ABCA7: variants seen among roughly 807,000 people sequenced by gnomAD.
ABCA7 encodes phospholipid-transporting ATPase ABCA7.
Under a neutral mutation model 227.6 loss-of-function variants are expected in ABCA7, and 261 were observed. The ratio of observed to expected loss-of-function variants is 1.15; its 90% confidence interval spans 1.04 to 1.27. The LOEUF (loss-of-function observed/expected upper bound fraction) is 1.27. ABCA7 is among the 50% of genes most tolerant of loss of function. ABCA7 has a pLI of 0.00. For missense variants in ABCA7, 3,331 were observed against 2,924.5 expected (o/e 1.14, Z -3.21); for synonymous variants, 1,488 against 1,279.7 (o/e 1.16, Z -3.47).
Position 1,054,337 on chromosome 19 carries a change from C to T in ABCA7, c.3722C>T (p.Ala1241Val). ...CGCCGCAGCCGCCGCGGCCTGTTCG[C>T]CCAGGTGAGGAGGGCTAGCACCAGG... ...LARRSRRGLF[A>V]QIVLPALFVG... The change falls in exon 27 of 47, where the codon GCC (alanine) becomes GTC (valine). Residue 1241 changes from alanine (A) to valine (V), a missense_variant. By Grantham distance (64) the Ala-to-Val change is moderately conservative. Transcript: ENST00000263094. The surrounding 1 kb of genome is among the most constrained non-coding windows in gnomAD (Gnocchi z 4.8). 1 of 1,596,350 alleles carries T rather than the reference C, an allele frequency of 6.3e-7. No individual in the cohort carries two copies.
chr19:1,047,635 C>G lies in ABCA7; in HGVS notation c.2250C>G (p.Tyr750Ter). 1.3e-6 allele frequency: 2 copies of G among 1,598,018 alleles called. No individual in the cohort carries two copies. The highest frequency in any genetic ancestry group is 1.7e-6 in the Non-Finnish European group (2 of 1,177,038). ...CGCTCTACGGCCTCGCCACCTGGTA[C>G]CTGGAAGCTGTGTGCCCAGGTGGGC... ...DAALYGLATW[Y>*]LEAVCPGQYG... Residue 750 changes from tyrosine to a stop codon, truncating the protein, a stop_gained, in exon 16 of 47, where the codon TAC (tyrosine) becomes TAG (stop). Transcript: ENST00000263094. LOFTEE classifies it high-confidence loss of function.
At position 1,051,611 on chromosome 19, in the gene ABCA7, G is replaced by A. The variant is rs759418777; in HGVS notation, c.2962+25G>A. On this transcript the variant is annotated intron_variant, in intron 21 of 46. Coordinates refer to ENST00000263094, the MANE Select transcript of ABCA7 (RefSeq NM_019112.4). ...GGTAAGAGCTGGGGATTCTGCTCGA[G>A]GGGCCAGAAAAGGCTTCTGACAAGG... The A allele has an allele frequency of 1.1e-5, 18 of 1,597,176 alleles. 1 individual carries two copies. The South Asian group carries it at 2.0e-4, about 18-fold the overall frequency.
At chr19:1,053,610 C>A in intron 24 of ABCA7, 79 bp downstream of exon 24, 1 of 1,522,006 alleles carries the variant, frequency 6.6e-7, no homozygotes, top group Non-Finnish European at 8.9e-7. Context: ...GGATGAATAG[C>A]GTGTTTATGA....
intron 10 of ABCA7, 33 bp downstream of exon 10, chr19:1,043,874 C>T (rs758258750): frequency 1.9e-6 from 3 of 1,597,206 alleles, no homozygotes; most frequent in Non-Finnish European, 1.7e-6. Flanking sequence ...TGGGATGTGG[C>T]TCCCCGGTGA....
chr19:1,060,393 T>C (rs1050562369), intron 40 of ABCA7, among the ~76,000 whole-genome samples: 3 of 151,312 alleles, frequency 2.0e-5, no homozygotes, highest in Non-Finnish European at 4.4e-5. Context: ...GTATTTTTAG[T>C]AGAGACGGGG....
Position 1,063,591 on chromosome 19 carries a change from C to T in ABCA7, c.5760C>T (p.Asp1920=), listed in dbSNP as rs753809025. ...GTCTGGGACTCTCATGGTACGCAGA[C>T]CGGCCTGCAGGCACCTACAGCGGAG... ...LARLGLSWYA[D]RPAGTYSGGN... The change falls in exon 43 of 47, where the codon GAC becomes GAT. Residue 1920 remains aspartate (D), a synonymous_variant. Coordinates refer to ENST00000263094, the MANE Select transcript of ABCA7 (RefSeq NM_019112.4). 1 of 1,611,198 alleles carries T rather than the reference C, an allele frequency of 6.2e-7. No individual in the cohort carries two copies. The highest frequency in any genetic ancestry group is 1.7e-5 in the Admixed American group (1 of 60,016).
chr19:1,048,458 T>C (rs2040947961), intron 16 of ABCA7, among the ~76,000 whole-genome samples: 1 of 120,366 alleles, frequency 8.3e-6, no homozygotes, highest in African/African-American at 3.3e-5. Flanking sequence ...ATCGCGCCAC[T>C]GCACTCCAGC....
intron 42 of ABCA7, among the ~76,000 whole-genome samples, chr19:1,062,776 C>T (rs114900104): frequency 0.022 from 3,274 of 150,212 alleles, 118 homozygotes; most frequent in African/African-American, 0.077. Context: ...CACTGTCCCA[C>T]CCCATGCCCT....
At chr19:1,060,818 C>T (rs2042606644) in intron 40 of ABCA7, among the ~76,000 whole-genome samples, 1 of 152,094 alleles carries the variant, frequency 6.6e-6, no homozygotes, top group African/African-American at 2.4e-5. Context: ...CTGGGCCTGG[C>T]CCACAGTATA....
chr19:1,046,512 C>A, intron 13 of ABCA7, 106 bp downstream of exon 13: 1 of 1,445,684 alleles, frequency 6.9e-7, no homozygotes, highest in Non-Finnish European at 9.2e-7. Flanking sequence ...AGGCTGCGAA[C>A]TTTGCACCTT....
rs922973311 is a variant in ABCA7 at position 1,049,368 on chromosome 19, G to A, written c.2483G>A (p.Ser828Asn). The change falls in exon 18 of 47, where the codon AGC (serine) becomes AAC (asparagine). Residue 828 changes from serine to asparagine, a missense_variant. Transcript: ENST00000263094. ...CCGCAGCCAGCCCTGCGGGGGCTCA[G>A]CCTGGACTTCTACCAGGGCCACATC... ...GSPQPALRGLSLDFYQGHITA... is the reference protein window; with the variant it reads ...GSPQPALRGLNLDFYQGHITA... The A allele has an allele frequency of 6.8e-6, 11 of 1,611,298 alleles. No individual in the cohort carries two copies. The highest frequency in any genetic ancestry group is 8.5e-6 in the Non-Finnish European group (10 of 1,179,152).
intron 6 of ABCA7, 63 bp from the exon 7 acceptor site, chr19:1,042,683 C>CAG (rs753433950): frequency 7.2e-6 from 11 of 1,527,476 alleles, no homozygotes; most frequent in Non-Finnish European, 1.0e-5. Flanking sequence ...GGGAACTGGC[C>CAG]AGAGCGCTGG....
Position 1,053,544 on chromosome 19 carries a change from G to T in ABCA7, c.3423+13G>T. ...CAGCCTCGAGGAGGTGTGAGGCCTGGGTGGTGGTGAGGTGGGGCCAGGAGG... is the reference window on the plus strand; with the variant it reads ...CAGCCTCGAGGAGGTGTGAGGCCTGTGTGGTGGTGAGGTGGGGCCAGGAGG... On this transcript the variant is annotated intron_variant, in intron 24 of 46. Coordinates refer to ENST00000263094, the MANE Select transcript of ABCA7 (RefSeq NM_019112.4). 1 of 1,555,964 alleles carries T rather than the reference G, an allele frequency of 6.4e-7. No homozygotes were observed.
chr19:1,041,922 G>A lies in ABCA7; in HGVS notation c.252G>A (p.Gln84=), dbSNP rs1214312481. The change falls in exon 4 of 47, where the codon CAG becomes CAA. Residue 84 remains glutamine (Q), a synonymous_variant. Transcript: ENST00000263094. Reference sequence around the variant, plus strand: ...ATGTGAACAACACCTGCTTTCCGCAGCTGACACCGGGCGAGGAGCCCGGGC... The same window carrying A: ...ATGTGAACAACACCTGCTTTCCGCAACTGACACCGGGCGAGGAGCCCGGGC... ...ICNVNNTCFP[Q]LTPGEEPGRL... is the part of the protein sequence containing the mutation. 1 of 1,599,536 alleles carries A rather than the reference G, an allele frequency of 6.3e-7. No individual in the cohort carries two copies.
chr19:1,055,320 G>A lies in ABCA7; in HGVS notation c.4174G>A (p.Val1392Ile), dbSNP rs1189875687. 6.2e-7 allele frequency: 1 copy of A among 1,600,406 alleles called. No homozygotes were observed. The highest frequency in any genetic ancestry group is 1.1e-5 in the South Asian group (1 of 90,460). The change falls in exon 30 of 47, where the codon GTC becomes ATC. Residue 1392 changes from valine to isoleucine, a missense_variant. Physicochemically the swap from Val to Ile is conservative, Grantham distance 29 (BLOSUM62 3). Transcript: ENST00000263094. ...LTGRNLSDFL[V>I]KTYPRLVRQG... ...AGGCCGGAACCTGTCTGACTTCCTG[G>A]TCAAGACCTACCCGCGCCTGGTGCG...
rs746671968 is a variant in ABCA7 at position 1,043,789 on chromosome 19, G to A, written c.995G>A (p.Gly332Glu). The A allele has an allele frequency of 1.1e-5, 17 of 1,612,624 alleles. No homozygotes were observed. The highest frequency in any genetic ancestry group is 1.3e-5 in the African/African-American group (1 of 74,652). The change falls in exon 10 of 47, where the codon GGA becomes GAA. Residue 332 changes from glycine to glutamate, a missense_variant. Transcript: ENST00000263094. The part of the protein sequence containing the change: ...RDVREVWEML[G>E]PRIFTFMNDS... ...GTCCGGGAGGTGTGGGAGATGCTGG[G>A]ACCCCGGATCTTCACCTTCATGAAC...
At chr19:1,040,738 G>T (rs1002532218) in intron 1 of ABCA7, among the ~76,000 whole-genome samples, 1 of 152,116 alleles carries the variant, frequency 6.6e-6, no homozygotes, top group African/African-American at 2.4e-5. Flanking sequence ...GCTACATAAG[G>T]TGTGGGCAGA....
chr19:1,059,533 G>A (rs989501898), intron 40 of ABCA7, among the ~76,000 whole-genome samples: 1 of 147,496 alleles, frequency 6.8e-6, no homozygotes, highest in Non-Finnish European at 1.5e-5. Context: ...CCAGAGTGCT[G>A]GGATTACAAG....
chr19:1,043,871 T>C (rs1251014421), intron 10 of ABCA7, 30 bp downstream of exon 10: 1 of 1,592,528 alleles, frequency 6.3e-7, no homozygotes, highest in African/African-American at 1.4e-5. Flanking sequence ...AGGTGGGATG[T>C]GGCTCCCCGG....
Sources: allele counts gnomAD v4.1 joint callset (sites outside exome capture counted in the v4.1 genomes callset), GRCh38; gene constraint gnomAD v4.1.1; non-coding constraint Gnocchi (gnomAD v3.1); transcripts MANE v1.5; gene names NCBI Gene and HGNC (gene_info 2026-07-23, HGNC 2026-07-21).